Variants in TIMM23 observed in about 807,000 individuals in gnomAD.
TIMM23 encodes mitochondrial import inner membrane translocase subunit Tim23.
A neutral mutation model predicts 30.7 loss-of-function variants in TIMM23; 19 were observed. The ratio of observed to expected loss-of-function variants is 0.62; its 90% CI spans 0.43 to 0.91. The LOEUF (loss-of-function observed/expected upper bound fraction) is 0.91, where lower values mean the gene tolerates loss of function less well. Ranked by LOEUF, TIMM23 falls within the 40% of genes least tolerant of loss-of-function variation. TIMM23 has a pLI of 0.00. For missense variants in TIMM23, 202 were observed against 269.2 expected, an observed-to-expected ratio of 0.75 and a Z score of 1.75; for synonymous variants, 78 against 98.5, an observed-to-expected ratio of 0.79 and a Z score of 1.23.
intron 5 of TIMM23, among the ~76,000 whole-genome samples, chr10:45,988,345 A>C (rs1206201381): frequency 6.6e-6 from 1 of 152,122 alleles, no homozygotes; most frequent in African/African-American, 2.4e-5. Context: ...ACAGCCTGCA[A>C]TCAGACAAGG....
intron 1 of TIMM23, among the ~76,000 whole-genome samples, chr10:45,973,602 CA>C (rs1837569686): frequency 6.6e-6 from 1 of 152,138 alleles, no homozygotes; most frequent in Non-Finnish European, 1.5e-5. Context: ...TCACCTTTGT[CA>C]AAAAACTGAA....
rs1163923942 is a variant in TIMM23, at chr10:45,987,150, A to G, written c.404-1587A>G. 2.0e-3 allele frequency among the ~76,000 whole-genome samples: 304 copies of G among 152,156 alleles called. 3 individuals carry two copies. Among genetic ancestry groups the G allele is most frequent in the East Asian group, 0.019 (98 of 5,188 alleles). ...TTTTATTTGTTGCCAGGTGTTTGCT[A>G]TTAGAAACTGTTCTAGTGATCATTC... On this transcript the variant is annotated intron_variant, in intron 5 of 6. Coordinates refer to ENST00000580018, the MANE Select transcript of TIMM23 (RefSeq NM_006327.4).
At chr10:45,980,551 A>G (rs1293459121) in intron 2 of TIMM23, among the ~76,000 whole-genome samples, 2 of 152,116 alleles carry the variant, frequency 1.3e-5, no homozygotes, top group Non-Finnish European at 2.9e-5. Context: ...AATAAGGAAA[A>G]TTTAAATATT....
intron 5 of TIMM23, among the ~76,000 whole-genome samples, chr10:45,988,467 C>CAG (rs1272256987): frequency 6.6e-6 from 1 of 152,094 alleles, no homozygotes; most frequent in Non-Finnish European, 1.5e-5. Flanking sequence ...AGGAGAAGGT[C>CAG]AGAGAGAGAG....
At chr10:45,986,842 C>A (rs1838006599) in intron 5 of TIMM23, among the ~76,000 whole-genome samples, 1 of 151,590 alleles carries the variant, frequency 6.6e-6, no homozygotes, top group Admixed American at 6.6e-5. Context: ...TGTCTTTAAT[C>A]TGAAGTATAG....
chr10:45,979,682 A>G lies in TIMM23; in HGVS notation c.166-2841A>G, dbSNP rs1368554845. On this transcript the variant is annotated intron_variant, in intron 2 of 6. Transcript: ENST00000580018. ...ATTTCACAGTTGAATCACTAACGGC[A>G]TCTGACAGCTGCTGCATTTCTTGTT... 4.3e-5 allele frequency among the ~76,000 whole-genome samples: 6 copies of G among 140,490 alleles called. No individual in the cohort carries two copies. The East Asian group carries it at 1.3e-3, about 30-fold the overall frequency. The allele number at this position is 140,490 out of a possible 152,430, so 92.2% of individuals were successfully genotyped here.
chr10:46,001,641 C>G (rs1375256816), intron 6 of TIMM23, among the ~76,000 whole-genome samples: 1 of 152,152 alleles, frequency 6.6e-6, no homozygotes, highest in Non-Finnish European at 1.5e-5. Context: ...TAGCCACCCC[C>G]ACAACTCCGC....
intron 6 of TIMM23, among the ~76,000 whole-genome samples, chr10:46,000,213 T>TA (rs1245961823): frequency 1.3e-5 from 2 of 152,256 alleles, no homozygotes; most frequent in Admixed American, 1.3e-4. Flanking sequence ...ATCACAAGGG[T>TA]ATTGATTGGG....
At chr10:45,998,846 T>G (rs1402865064) in intron 6 of TIMM23, among the ~76,000 whole-genome samples, 1 of 151,480 alleles carries the variant, frequency 6.6e-6, no homozygotes, top group East Asian at 1.9e-4. Context: ...TTTTTTTTTT[T>G]TTTTGAGACA....
chr10:45,998,148 C>T (rs1554917073), intron 6 of TIMM23, among the ~76,000 whole-genome samples: 84,530 of 151,942 alleles, frequency 0.56, 23,858 homozygotes, highest in Admixed American at 0.65. Context: ...ATATAAGTAC[C>T]TACATAACAA....
chr10:45,989,243 G>A (rs1487803437), intron 6 of TIMM23, among the ~76,000 whole-genome samples: 1 of 152,008 alleles, frequency 6.6e-6, no homozygotes, highest in Non-Finnish European at 1.5e-5. Context: ...GTCCTTTTTT[G>A]ATTGGCTTAT....
intron 4 of TIMM23, among the ~76,000 whole-genome samples, chr10:45,983,786 T>C (rs75580637): frequency 1.3e-5 from 2 of 152,240 alleles, no homozygotes; most frequent in Non-Finnish European, 2.9e-5. Flanking sequence ...CTGTGTTGCC[T>C]GAGCTGGAGT....
chr10:45,975,205 A>G (rs1837631081), intron 1 of TIMM23, among the ~76,000 whole-genome samples: 1 of 152,266 alleles, frequency 6.6e-6, no homozygotes, highest in African/African-American at 2.4e-5. Flanking sequence ...AATCAGATCT[A>G]TGACACTGCA....
intron 5 of TIMM23, among the ~76,000 whole-genome samples, chr10:45,985,978 C>T (rs1316644743): frequency 6.6e-6 from 1 of 152,176 alleles, no homozygotes; most frequent in Non-Finnish European, 1.5e-5. Flanking sequence ...GAGCCTTATG[C>T]TTTCATACCA....
chr10:45,986,607 T>C (rs1274790687), intron 5 of TIMM23, among the ~76,000 whole-genome samples: 1 of 152,144 alleles, frequency 6.6e-6, no homozygotes, highest in Non-Finnish European at 1.5e-5. Flanking sequence ...GCGCGGTGTA[T>C]TGTTGCAAGG....
At chr10:45,999,732 G>A (rs1008035192) in intron 6 of TIMM23, among the ~76,000 whole-genome samples, 9 of 152,046 alleles carry the variant, frequency 5.9e-5, no homozygotes, top group African/African-American at 1.4e-4. Flanking sequence ...GAGAGCAACC[G>A]GTCTGACCAA....
At chr10:45,998,699 T>G (rs1838420444) in intron 6 of TIMM23, among the ~76,000 whole-genome samples, 1 of 152,126 alleles carries the variant, frequency 6.6e-6, no homozygotes, top group Non-Finnish European at 1.5e-5. Flanking sequence ...CTTGTTGGAG[T>G]TGATTTTTTT....
chr10:45,992,511 T>G (rs1300555095), intron 6 of TIMM23: 2 of 453,798 alleles, frequency 4.4e-6, no homozygotes, highest in East Asian at 1.4e-4. Flanking sequence ...TGGAGGCTTA[T>G]GAGTAAATGA....
intron 1 of TIMM23, among the ~76,000 whole-genome samples, chr10:45,974,344 A>G (rs1348034015): frequency 2.6e-5 from 4 of 152,192 alleles, no homozygotes; most frequent in African/African-American, 9.7e-5. Context: ...GTTAGGGAAA[A>G]CATCTCAAGG....
Sources: allele counts gnomAD v4.1 joint callset (sites outside exome capture counted in the v4.1 genomes callset), GRCh38; gene constraint gnomAD v4.1.1; transcripts MANE v1.5; gene names NCBI Gene and HGNC (gene_info 2026-07-23, HGNC 2026-07-21).